The following NUDT9 variants were observed in gnomAD, a reference collection of about 807,000 sequenced individuals.
The protein encoded by NUDT9 is nudix hydrolase 9.
Under a neutral mutation model 41.0 loss-of-function variants are expected in NUDT9, and 31 were observed. That is an observed-to-expected ratio of 0.76 (90% CI 0.57 to 1.02). The LOEUF is 1.02. Among genes scored for constraint, NUDT9 ranks in the 50% least tolerant of loss-of-function variants. The pLI is 0.00. For missense variants in NUDT9, 380 were observed against 431.4 expected, an observed-to-expected ratio of 0.88 and a Z score of 1.06; for synonymous variants, 146 against 147.6, an observed-to-expected ratio of 0.99 and a Z score of 0.08.
chr4:87,427,406 C>T (rs2110158623), intron 1 of NUDT9, among the ~76,000 whole-genome samples: 1 of 152,174 alleles, frequency 6.6e-6, no homozygotes, highest in Admixed American at 6.5e-5. Flanking sequence ...TGCACTTGTT[C>T]AATAATACAA....
Position 87,449,721 on chromosome 4 carries a change from A to T in NUDT9, c.642+468A>T, listed in dbSNP as rs546637817. On this transcript the variant is annotated intron_variant, in intron 5 of 7. Coordinates refer to ENST00000302174, the MANE Select transcript of NUDT9 (RefSeq NM_024047.5). The stretch of plus-strand genomic sequence containing the variant: ...ATTCTGATAACTTTTGACAATATTT[A>T]AAAAATTAGCTTTTGTTATTTACTG... Among the ~76,000 whole-genome samples, 9 of 152,324 alleles carry T rather than the reference A, an allele frequency of 5.9e-5. No individual in the cohort carries two copies. The South Asian group carries it at 1.7e-3, about 28-fold the overall frequency.
Position 87,454,462 on chromosome 4 carries a change from T to A in NUDT9, c.874+7T>A, listed in dbSNP as rs778613836. ...AACTACCATGACGAAACAGGTAACT[T>A]TATATTTATTAAACTGGCTGGGATT... On this transcript the variant is annotated splice_region_variant and intron_variant, in intron 7 of 7. Coordinates refer to ENST00000302174, the MANE Select transcript of NUDT9 (RefSeq NM_024047.5). 6.5e-7 allele frequency: 1 copy of A among 1,549,110 alleles called. No homozygotes were observed. Among genetic ancestry groups the A allele is most frequent in the Non-Finnish European group, 8.9e-7 (1 of 1,120,750 alleles).
chr4:87,431,781 G>A (rs1721697847), intron 1 of NUDT9, among the ~76,000 whole-genome samples: 1 of 152,116 alleles, frequency 6.6e-6, no homozygotes, highest in Non-Finnish European at 1.5e-5. Flanking sequence ...CGCCTCTGGG[G>A]TTTAAGTGAT....
chr4:87,453,047 G>A (rs1722827685), intron 6 of NUDT9, among the ~76,000 whole-genome samples: 1 of 151,774 alleles, frequency 6.6e-6, no homozygotes, highest in African/African-American at 2.4e-5. Flanking sequence ...CTTGACCTCA[G>A]GTGATCCGCC....
intron 1 of NUDT9, among the ~76,000 whole-genome samples, chr4:87,426,519 C>T (rs1253658332): frequency 3.3e-5 from 5 of 151,832 alleles, no homozygotes; most frequent in South Asian, 4.2e-4. Context: ...AAGCGATTCT[C>T]CTGCCTCAGC....
chr4:87,426,143 G>A (rs1279351968), intron 1 of NUDT9, among the ~76,000 whole-genome samples: 1 of 152,110 alleles, frequency 6.6e-6, no homozygotes, highest in Non-Finnish European at 1.5e-5. Flanking sequence ...AAAAAAGGTA[G>A]TATATTACAA....
In NUDT9 at chr4:87,429,467, T is replaced by A. The variant is rs543863822; in HGVS notation, c.108-5514T>A. 2.0e-4 allele frequency among the ~76,000 whole-genome samples: 30 copies of A among 152,156 alleles called. 1 individual carries two copies. In the South Asian group the frequency reaches 5.0e-3, roughly 25 times the overall value. ...CTGTGCCCCACTGAGAAGTTTCTTT[T>A]TATATATATATAATTATGTAATTTG... is the stretch of plus-strand genomic sequence containing the variant. On this transcript the variant is annotated intron_variant, in intron 1 of 7. Coordinates refer to ENST00000302174, the MANE Select transcript of NUDT9 (RefSeq NM_024047.5).
At chr4:87,440,649 C>A (rs999079299) in intron 3 of NUDT9, among the ~76,000 whole-genome samples, 1 of 152,028 alleles carries the variant, frequency 6.6e-6, no homozygotes, top group African/African-American at 2.4e-5. Context: ...AGTTTGAGAC[C>A]AGCCTGACCA....
rs569040716 is a variant in NUDT9 at position 87,436,378 on chromosome 4, A to G, written c.347+1158A>G. Among the ~76,000 whole-genome samples the G allele has an allele frequency of 1.1e-4, 17 of 152,204 alleles. No individual in the cohort carries two copies. In the East Asian group the frequency reaches 3.3e-3, roughly 29 times the overall value. On this transcript the variant is annotated intron_variant, in intron 2 of 7. Transcript: ENST00000302174. ...CAGGGTGGAGTGCAGTGGTGTGATC[A>G]TAGCTCACTGCAGCCTTGATCTCCT...
At chr4:87,442,743 C>T (rs1722257173) in intron 4 of NUDT9, among the ~76,000 whole-genome samples, 1 of 152,124 alleles carries the variant, frequency 6.6e-6, no homozygotes, top group South Asian at 2.1e-4. Flanking sequence ...GACACAAACA[C>T]ACACATTAGC....
chr4:87,426,441 G>T (rs1208127908), intron 1 of NUDT9, among the ~76,000 whole-genome samples: 1 of 150,776 alleles, frequency 6.6e-6, no homozygotes, highest in African/African-American at 2.4e-5. Flanking sequence ...ACAGAGTCTC[G>T]CACTGTCGCC....
intron 1 of NUDT9, among the ~76,000 whole-genome samples, chr4:87,427,069 A>G (rs1242665166): frequency 6.6e-6 from 1 of 150,700 alleles, no homozygotes; most frequent in Admixed American, 6.6e-5. Context: ...GCAGTGAGCC[A>G]TGATTGTACC....
chr4:87,451,751 T>C lies in NUDT9; in HGVS notation c.789+16T>C, dbSNP rs200678532. On this transcript the variant is annotated intron_variant, in intron 6 of 7. Transcript: ENST00000302174. ...CCACCTAGTGGTAAGAAATAGTGTT[T>C]CTGGGAGGGATTTAGTTCTGTGGAT... 1 of 1,609,958 alleles carries C rather than the reference T, an allele frequency of 6.2e-7. No individual in the cohort carries two copies. Among genetic ancestry groups the C allele is most frequent in the African/African-American group, 1.3e-5 (1 of 74,842 alleles).
chr4:87,452,832 G>C (rs1403351751), intron 6 of NUDT9, among the ~76,000 whole-genome samples: 1 of 107,756 alleles, frequency 9.3e-6, no homozygotes. Context: ...TTTTTTTTGA[G>C]ATGAAGTCTC....
At chr4:87,434,870 CGGCCTCACAAAGTGCTG>C in intron 1 of NUDT9, 94 bp from the exon 2 acceptor site, 1 of 878,020 alleles carries the variant, frequency 1.1e-6, no homozygotes, top group East Asian at 2.7e-5. Flanking sequence ...CCACCTACCT[CGGCCTCACAAAGTGCTG>C]GGATTACAGG....
chr4:87,450,847 A>G (rs1722678852), intron 5 of NUDT9, among the ~76,000 whole-genome samples: 1 of 152,174 alleles, frequency 6.6e-6, no homozygotes. Flanking sequence ...TAATCAGTGT[A>G]TTTTTAGTAT....
At chr4:87,439,588 G>A (rs776253731) in intron 3 of NUDT9, among the ~76,000 whole-genome samples, 24 of 151,952 alleles carry the variant, frequency 1.6e-4, no homozygotes, top group African/African-American at 5.8e-4. Context: ...CCCAGGAGGC[G>A]GAGGTTGGAG....
intron 1 of NUDT9, among the ~76,000 whole-genome samples, chr4:87,423,702 C>T (rs2110153518): frequency 6.6e-6 from 1 of 152,196 alleles, no homozygotes; most frequent in Non-Finnish European, 1.5e-5. Context: ...CTTTTTGGTC[C>T]TGTTTCCTTC....
chr4:87,438,206 G>T, intron 2 of NUDT9, 71 bp from the exon 3 acceptor site: 5 of 731,772 alleles, frequency 6.8e-6, no homozygotes, highest in South Asian at 1.7e-5. Flanking sequence ...ATAACAGATT[G>T]ACTTTCATTA....
Sources: gnomAD v4.1 joint callset for allele counts (sites outside exome capture counted in the v4.1 genomes callset) on GRCh38, gnomAD v4.1.1 for gene constraint, MANE v1.5 for transcripts, NCBI Gene and HGNC (gene_info 2026-07-23, HGNC 2026-07-21) for gene names.